Variants in TEAD1 observed in about 807,000 individuals in gnomAD.
TEAD1 encodes the protein TEA domain transcription factor 1, also known as transcriptional enhancer factor TEF-1.
In TEAD1, 9 loss-of-function variants were observed where a neutral mutation model predicts 54.9. The observed-to-expected ratio is 0.16, with a 90% confidence interval of 0.10 to 0.29. The LOEUF (loss-of-function observed/expected upper bound fraction) is 0.29. Among genes scored for constraint, TEAD1 ranks in the 10% least tolerant of loss-of-function variants. The probability of loss-of-function intolerance (pLI) is 1.00; values close to 1 mark genes in which losing one functional copy is unlikely to be tolerated. For missense variants in TEAD1, 387 were observed against 535.9 expected, an observed-to-expected ratio of 0.72 and a Z score of 2.74; for synonymous variants, 200 against 187.8, an observed-to-expected ratio of 1.07 and a Z score of -0.53.
chr11:12,912,337 G>A (rs1235189973), intron 10 of TEAD1, among the ~76,000 whole-genome samples: 7 of 152,204 alleles, frequency 4.6e-5, no homozygotes, highest in Non-Finnish European at 1.0e-4. Context: ...GTGGGCAGAA[G>A]TTGCTGTGGA....
intron 2 of TEAD1, among the ~76,000 whole-genome samples, chr11:12,704,526 A>G (rs1943772129): frequency 6.6e-6 from 1 of 152,188 alleles, no homozygotes; most frequent in Non-Finnish European, 1.5e-5. Context: ...GAAGAGAGGA[A>G]TGTACATCAT....
intron 2 of TEAD1, among the ~76,000 whole-genome samples, chr11:12,745,223 G>A (rs1184581706): frequency 6.6e-6 from 1 of 152,192 alleles, no homozygotes; most frequent in Non-Finnish European, 1.5e-5. Context: ...GATTATTAAA[G>A]ATCTTTTAGC....
chr11:12,893,548 C>T lies in TEAD1; in HGVS notation c.700-8392C>T, dbSNP rs575860440. Among the ~76,000 whole-genome samples the T allele has an allele frequency of 1.1e-3, 164 of 152,346 alleles. 2 individuals carry two copies. The highest frequency in any genetic ancestry group is 3.7e-3 in the African/African-American group (153 of 41,574). On this transcript the variant is annotated intron_variant, in intron 9 of 12. Transcript: ENST00000527636. Reference sequence around the variant, plus strand: ...CACAGAGGCCCCAGTCAGGCCCCCTCTGCTTTCTTTGGCAGGTCCGCACCC... The same window carrying T: ...CACAGAGGCCCCAGTCAGGCCCCCTTTGCTTTCTTTGGCAGGTCCGCACCC...
intron 2 of TEAD1, among the ~76,000 whole-genome samples, chr11:12,705,990 A>T (rs1564912853): frequency 6.6e-6 from 1 of 152,232 alleles, no homozygotes; most frequent in Non-Finnish European, 1.5e-5. Flanking sequence ...AAGTATAAAT[A>T]GAGGGAGTTC....
chr11:12,782,247 A>G (rs943057371), intron 3 of TEAD1, among the ~76,000 whole-genome samples: 1 of 152,258 alleles, frequency 6.6e-6, no homozygotes, highest in African/African-American at 2.4e-5. Flanking sequence ...ATGTGGTAAT[A>G]GCTATACAAT....
At chr11:12,860,131 C>A (rs1284786937) in intron 3 of TEAD1, among the ~76,000 whole-genome samples, 1 of 152,050 alleles carries the variant, frequency 6.6e-6, no homozygotes, top group Admixed American at 6.6e-5. Context: ...GTGTACAACT[C>A]CAAGAGGACC....
At chr11:12,833,361 C>G (rs1422682541) in intron 3 of TEAD1, among the ~76,000 whole-genome samples, 2 of 152,186 alleles carry the variant, frequency 1.3e-5, no homozygotes, top group Non-Finnish European at 2.9e-5. Flanking sequence ...AAATGCAGGT[C>G]TGCCTTCTCT....
At chr11:12,756,014 AAATC>A (rs1451865939) in intron 2 of TEAD1, among the ~76,000 whole-genome samples, 12 of 152,194 alleles carry the variant, frequency 7.9e-5, no homozygotes, top group African/African-American at 2.7e-4. Flanking sequence ...GCATAGCATG[AAATC>A]AATCAGAGCT....
chr11:12,723,914 T>G (rs1451446528), intron 2 of TEAD1, among the ~76,000 whole-genome samples: 1 of 152,204 alleles, frequency 6.6e-6, no homozygotes, highest in Admixed American at 6.5e-5. Context: ...TGAATAAGTT[T>G]GTTCTTTCTG....
chr11:12,826,205 G>C (rs981206414), intron 3 of TEAD1, among the ~76,000 whole-genome samples: 1 of 152,210 alleles, frequency 6.6e-6, no homozygotes, highest in Admixed American at 6.5e-5. Context: ...TGGGTGAAAA[G>C]TGAGCACATT....
chr11:12,706,751 C>T (rs1370683279), intron 2 of TEAD1, among the ~76,000 whole-genome samples: 1 of 152,132 alleles, frequency 6.6e-6, no homozygotes, highest in African/African-American at 2.4e-5. Flanking sequence ...TGGGCTAGCC[C>T]TGATGCACAT....
At chr11:12,834,374 G>T (rs1946841409) in intron 3 of TEAD1, among the ~76,000 whole-genome samples, 1 of 152,190 alleles carries the variant, frequency 6.6e-6, no homozygotes, top group Non-Finnish European at 1.5e-5. Context: ...CCTTTTAAGG[G>T]CAGTGCAATC....
intron 2 of TEAD1, among the ~76,000 whole-genome samples, chr11:12,700,279 T>G (rs2133837135): frequency 6.6e-6 from 1 of 152,294 alleles, no homozygotes; most frequent in East Asian, 1.9e-4. Context: ...TTTATAACTC[T>G]TAACAACTTT....
intron 3 of TEAD1, among the ~76,000 whole-genome samples, chr11:12,809,718 C>A: frequency 6.6e-6 from 1 of 152,158 alleles, no homozygotes; most frequent in East Asian, 1.9e-4. Context: ...CTGTGCTTCA[C>A]CACTGGGGGC....
intron 9 of TEAD1, among the ~76,000 whole-genome samples, chr11:12,899,528 T>A (rs886841761): frequency 6.6e-6 from 1 of 152,172 alleles, no homozygotes; most frequent in Non-Finnish European, 1.5e-5. Flanking sequence ...TGAAAAAATG[T>A]ATAAAAAGCT....
chr11:12,865,200 ATT>A (rs113921279), intron 5 of TEAD1: 229 of 354,002 alleles, frequency 6.5e-4, no homozygotes, highest in Middle Eastern at 1.7e-3. Context: ...CAGAAACATG[ATT>A]TTTTTTTTTT....
chr11:12,845,273 T>A (rs1947122808), intron 3 of TEAD1, among the ~76,000 whole-genome samples: 1 of 152,142 alleles, frequency 6.6e-6, no homozygotes, highest in Non-Finnish European at 1.5e-5. Flanking sequence ...AGAATTTTTA[T>A]ATGAGGAAGT....
chr11:12,844,319 T>C lies in TEAD1; in HGVS notation c.203-17931T>C, dbSNP rs144720679. ...TCTTAAGAACTAAGAGTCCAGAGAT[T>C]AGAGTAAAATCACCTTTTCCTCATA... is the stretch of plus-strand genomic sequence containing the variant. On this transcript the variant is annotated intron_variant, in intron 3 of 12. Coordinates refer to ENST00000527636, the MANE Select transcript of TEAD1 (RefSeq NM_021961.6). 2.0e-5 allele frequency among the ~76,000 whole-genome samples: 3 copies of C among 152,354 alleles called. No individual in the cohort carries two copies. The East Asian group carries it at 5.8e-4, about 29-fold the overall frequency.
rs181951975 is a variant in TEAD1 at position 12,892,674 on chromosome 11, G to A, written c.700-9266G>A. 4.7e-4 allele frequency among the ~76,000 whole-genome samples: 71 copies of A among 152,190 alleles called. No homozygotes were observed. The East Asian group carries it at 0.011, about 24-fold the overall frequency. On this transcript the variant is annotated intron_variant, in intron 9 of 12. Coordinates refer to ENST00000527636, the MANE Select transcript of TEAD1 (RefSeq NM_021961.6). ...ATAAATAAACAAAAATAAAAAAGAA[G>A]CAGCAGCAGTAAGGTTTTAATTCCC...
Sources: gnomAD v4.1 joint callset for allele counts (sites outside exome capture counted in the v4.1 genomes callset) on GRCh38, gnomAD v4.1.1 for gene constraint, MANE v1.5 for transcripts, NCBI Gene and HGNC (gene_info 2026-07-23, HGNC 2026-07-21) for gene names.